The following USP39 variants were observed in gnomAD, a reference collection of about 807,000 sequenced individuals.
USP39 encodes ubiquitin carboxyl-terminal hydrolase 39.
Under a neutral mutation model 66.4 loss-of-function variants are expected in USP39, and 38 were observed. The observed-to-expected ratio is 0.57, with a 90% CI of 0.44 to 0.75. The LOEUF (loss-of-function observed/expected upper bound fraction) is 0.75. Among genes scored for constraint, USP39 ranks in the 30% least tolerant of loss-of-function variants. The pLI is 0.00. For synonymous variants in USP39, 303 were observed against 274.6 expected (o/e 1.10, Z -1.02); for missense variants, 608 against 714.4 (o/e 0.85, Z 1.70).
chr2:85,648,437 C>T (rs1676811495), intron 12 of USP39, among the ~76,000 whole-genome samples: 1 of 152,164 alleles, frequency 6.6e-6, no homozygotes, highest in African/African-American at 2.4e-5. Flanking sequence ...TATCGCTTTG[C>T]CTGTCTGTCC....
At chr2:85,612,025 C>G (rs766449299), upstream of USP39, 3 of 1,363,004 alleles carry the variant, frequency 2.2e-6, no homozygotes, top group Non-Finnish European at 2.9e-6. Context: ...CTCGACGGCC[C>G]CAACAACAGC....
chr2:85,636,132 T>C lies in USP39; in HGVS notation c.1027+2T>C, dbSNP rs762539087. 6.2e-7 allele frequency: 1 copy of C among 1,613,252 alleles called. No individual in the cohort carries two copies. Among genetic ancestry groups the C allele is most frequent in the South Asian group, 1.1e-5 (1 of 90,962 alleles). ...GGGGCACAAAGAAGAAAAAGAAGAG[T>C]AAGTCATTTACTTATAAAAAGGAGT... On this transcript the variant is annotated splice_donor_variant, in intron 7 of 12. Transcript: ENST00000323701. LOFTEE classifies it high-confidence loss of function.
chr2:85,613,326 G>A (rs1673696777), upstream of USP39, among the ~76,000 whole-genome samples: 1 of 152,094 alleles, frequency 6.6e-6, no homozygotes, highest in Admixed American at 6.6e-5. Flanking sequence ...GGCCAAAATG[G>A]TGAAACCCCG....
intron 1 of USP39, among the ~76,000 whole-genome samples, chr2:85,604,762 G>A (rs1421133803): frequency 2.6e-5 from 4 of 152,210 alleles, no homozygotes; most frequent in African/African-American, 4.8e-5. Flanking sequence ...ATGGGGCTGT[G>A]AACCCTAATT....
chr2:85,626,958 A>G (rs888776534), intron 5 of USP39, among the ~76,000 whole-genome samples: 19 of 152,188 alleles, frequency 1.2e-4, no homozygotes, highest in African/African-American at 4.6e-4. Flanking sequence ...CATTTTGGCC[A>G]GGCTGGTCTT....
intron 6 of USP39, among the ~76,000 whole-genome samples, chr2:85,634,708 C>G (rs1246357716): frequency 6.6e-6 from 1 of 152,148 alleles, no homozygotes; most frequent in Non-Finnish European, 1.5e-5. Flanking sequence ...TGTTTCTGGA[C>G]CAACTCCCTG....
At chr2:85,619,431 C>T in intron 2 of USP39, 142 bp downstream of exon 2, 1 of 780,408 alleles carries the variant, frequency 1.3e-6, no homozygotes, top group Non-Finnish European at 2.0e-6. Context: ...TGCCATGTTA[C>T]TCCTTATTCT....
upstream of USP39, among the ~76,000 whole-genome samples, chr2:85,609,744 C>CTA (rs1448714039): frequency 6.6e-6 from 1 of 151,772 alleles, no homozygotes; most frequent in East Asian, 2.0e-4. Context: ...TGCAGTGGTG[C>CTA]AATCTCGGCT....
At chr2:85,624,721 T>C (rs772793176) in intron 4 of USP39, among the ~76,000 whole-genome samples, 29 of 152,256 alleles carry the variant, frequency 1.9e-4, no homozygotes, top group Non-Finnish European at 4.1e-4. Flanking sequence ...CCCAGCACTT[T>C]GGGAGGCCGA....
intron 1 of USP39, among the ~76,000 whole-genome samples, chr2:85,604,701 C>A (rs1305934347): frequency 6.6e-6 from 1 of 152,222 alleles, no homozygotes; most frequent in Non-Finnish European, 1.5e-5. Flanking sequence ...TTGACAGGAA[C>A]CATCTTCCTG....
In USP39 at chr2:85,639,270, T is replaced by G; in HGVS notation, c.1163T>G (p.Phe388Cys). The change falls in exon 9 of 13, where the codon TTT (phenylalanine) becomes TGT (cysteine). Residue 388 changes from phenylalanine to cysteine, a missense_variant. Phe to Cys is a radical substitution (Grantham distance 205, BLOSUM62 -2). Transcript: ENST00000323701. Reference protein sequence around the residue: ...EYQETMVESTFMYLTLDLPTA... With the variant: ...EYQETMVESTCMYLTLDLPTA... ...CAGGAGACAATGGTGGAGTCCACTTTTATGTACCTGACGCTGGACCTTCCT... is the reference window on the plus strand; with the variant it reads ...CAGGAGACAATGGTGGAGTCCACTTGTATGTACCTGACGCTGGACCTTCCT... The G allele has an allele frequency of 6.2e-7, 1 of 1,614,022 alleles. No homozygotes were observed.
intron 4 of USP39, among the ~76,000 whole-genome samples, 160 bp from the exon 5 acceptor site, chr2:85,625,379 C>T (rs1019790666): frequency 2.0e-5 from 3 of 152,184 alleles, no homozygotes; most frequent in Admixed American, 1.3e-4. Context: ...GGATCTACTC[C>T]GTGTTACTTC....
In USP39 at chr2:85,633,145, G is replaced by C. The variant is rs566454078; in HGVS notation, c.949+2199G>C. Among the ~76,000 whole-genome samples the C allele has an allele frequency of 2.6e-5, 4 of 151,880 alleles. No individual in the cohort carries two copies. In the South Asian group the frequency reaches 8.3e-4, roughly 31 times the overall value. On this transcript the variant is annotated intron_variant, in intron 6 of 12. Coordinates refer to ENST00000323701, the MANE Select transcript of USP39 (RefSeq NM_006590.4). ...AAGGCTTTTATTTTTTTTTGAGATA[G>C]AGTCTCACTCTGTTGCCCAAGCTGG...
intron 10 of USP39, 23 bp from the exon 11 acceptor site, chr2:85,644,925 G>C: frequency 1.9e-6 from 3 of 1,613,300 alleles, no homozygotes; most frequent in Non-Finnish European, 2.5e-6. Flanking sequence ...TGATTATTCC[G>C]GCTTTATTTT....
upstream of USP39, among the ~76,000 whole-genome samples, chr2:85,613,382 G>A (rs529434285): frequency 1.3e-5 from 2 of 151,936 alleles, no homozygotes; most frequent in African/African-American, 4.8e-5. Context: ...CTTGATGGCC[G>A]GTGCTTGTAA....
At chr2:85,609,059 G>A, upstream of USP39, 1 of 1,614,206 alleles carries the variant, frequency 6.2e-7, no homozygotes, top group Non-Finnish European at 8.5e-7. Context: ...CCTTTCCTGG[G>A]TCATCACCCT....
At position 85,649,160 on chromosome 2, in the gene USP39, A is replaced by C; in HGVS notation, c.*352A>C. 1 of 211,352 alleles carries C rather than the reference A, an allele frequency of 4.7e-6. No homozygotes were observed. Among genetic ancestry groups the C allele is most frequent in the Non-Finnish European group, 9.3e-6 (1 of 107,196 alleles). 13.1% of individuals were successfully genotyped at this position (211,352 alleles called of 1,614,324 possible). A position where few individuals can be genotyped will look rare whatever the true frequency, so the allele number is the denominator to read the frequency against. On this transcript the variant is annotated 3_prime_UTR_variant, in exon 13 of 13. Coordinates refer to ENST00000323701, the MANE Select transcript of USP39 (RefSeq NM_006590.4). ...TTCCTTCCAAACATCAAGCCTTGGG[A>C]TTCTTGGAGCAAGCAGAAAGCCAGT...
At position 85,616,202 on chromosome 2, in the gene USP39, G is replaced by A. The variant is rs753021536; in HGVS notation, c.7G>A (p.Gly3Ser). Residue 3 changes from glycine (G) to serine (S), a missense_variant, in exon 1 of 13, where the codon GGC becomes AGC. By Grantham distance (56) the Gly-to-Ser change is moderately conservative. This residue lies in a region of USP39 where 207 missense variants were observed against 145.7 expected (regional missense o/e 1.42). Coordinates refer to ENST00000323701, the MANE Select transcript of USP39 (RefSeq NM_006590.4). ...GACTCGGCCGGTAGTGGAGATGTCC[G>A]GCCGGTCTAAGCGGGAGTCTCGCGG... MS[G>S]RSKRESRGST... The A allele has an allele frequency of 1.2e-5, 17 of 1,450,842 alleles. No homozygotes were observed. In the East Asian group the frequency reaches 4.0e-4, roughly 34 times the overall value. 89.9% of individuals were successfully genotyped at this position (1,450,842 alleles called of 1,614,324 possible). A position where few individuals can be genotyped will look rare whatever the true frequency, so the allele number is the denominator to read the frequency against.
intron 1 of USP39, among the ~76,000 whole-genome samples, chr2:85,605,362 A>G (rs1673176875): frequency 6.6e-6 from 1 of 152,232 alleles, no homozygotes; most frequent in East Asian, 1.9e-4. Flanking sequence ...TCATCTACAC[A>G]TTGGAAATGA....
Sources: gnomAD v4.1 joint callset for allele counts (sites outside exome capture counted in the v4.1 genomes callset) on GRCh38, gnomAD v4.1.1 for gene constraint, gnomAD v4.1.1 regional missense constraint, MANE v1.5 for transcripts, NCBI Gene and HGNC (gene_info 2026-07-23, HGNC 2026-07-21) for gene names.